SDCCAG8: variants seen among roughly 807,000 people sequenced by gnomAD.
SDCCAG8 encodes the protein serologically defined colon cancer antigen 8.
In SDCCAG8, 74 loss-of-function variants were observed where a neutral mutation model predicts 101.8. That is an observed-to-expected ratio of 0.73 (90% confidence interval 0.60 to 0.88). The LOEUF (loss-of-function observed/expected upper bound fraction) is 0.88. Among genes scored for constraint, SDCCAG8 ranks in the 40% least tolerant of loss-of-function variants. The pLI, the probability that SDCCAG8 is intolerant of heterozygous loss-of-function variation, is 0.00. For missense variants in SDCCAG8, 787 were observed against 822.6 expected (o/e 0.96, Z 0.53); for synonymous variants, 281 against 292.9 (o/e 0.96, Z 0.41).
intron 16 of SDCCAG8, among the ~76,000 whole-genome samples, chr1:243,472,028 G>A (rs1322632033): frequency 1.3e-5 from 2 of 152,226 alleles, no homozygotes; most frequent in African/African-American, 4.8e-5. Flanking sequence ...GAAGCAGTGA[G>A]ACCTCACAAC....
At chr1:243,482,574 C>A (rs1663959662) in intron 16 of SDCCAG8, among the ~76,000 whole-genome samples, 1 of 152,212 alleles carries the variant, frequency 6.6e-6, no homozygotes, top group Non-Finnish European at 1.5e-5. Flanking sequence ...ATCTGCAGAT[C>A]CTGAAGGACA....
At chr1:243,407,976 T>G (rs2079899913) in intron 13 of SDCCAG8, among the ~76,000 whole-genome samples, 1 of 152,210 alleles carries the variant, frequency 6.6e-6, no homozygotes, top group Admixed American at 6.5e-5. Context: ...TAAATAAGCA[T>G]AGAATTTTGG....
intron 13 of SDCCAG8, among the ~76,000 whole-genome samples, chr1:243,401,937 A>G (rs1265586863): frequency 6.6e-6 from 1 of 152,152 alleles, no homozygotes; most frequent in Non-Finnish European, 1.5e-5. Context: ...TGATATCTTC[A>G]TGAGGCACTT....
intron 1 of SDCCAG8, among the ~76,000 whole-genome samples, chr1:243,257,679 TAACA>T (rs1365782419): frequency 6.6e-6 from 1 of 152,218 alleles, no homozygotes; most frequent in African/African-American, 2.4e-5. Context: ...TCAATTGTGT[TAACA>T]AACTGTCGAC....
chr1:243,308,239 G>A, intron 8 of SDCCAG8, 62 bp downstream of exon 8: 3 of 1,514,834 alleles, frequency 2.0e-6, no homozygotes, highest in Non-Finnish European at 2.7e-6. Context: ...CTTTAAAGGG[G>A]CATTGTGTTC....
intron 15 of SDCCAG8, among the ~76,000 whole-genome samples, chr1:243,419,643 T>C (rs890008020): frequency 3.9e-5 from 6 of 152,174 alleles, no homozygotes; most frequent in Non-Finnish European, 8.8e-5. Context: ...CCAAAACTGT[T>C]TAAATAACTG....
Position 243,376,376 on chromosome 1 carries a change from C to G in SDCCAG8, c.1474-2345C>G, listed in dbSNP as rs569149585. Among the ~76,000 whole-genome samples the G allele has an allele frequency of 3.9e-5, 6 of 152,252 alleles. No individual in the cohort carries two copies. In the East Asian group the frequency reaches 1.2e-3, roughly 29 times the overall value. ...CTTGTCCAAGGTCACAGAAAAGTGC[C>G]AGAGCTGTGTCTGGAGCCCTGATTT... On this transcript the variant is annotated intron_variant, in intron 12 of 17. Transcript: ENST00000366541.
intron 11 of SDCCAG8, among the ~76,000 whole-genome samples, chr1:243,341,399 C>T (rs1035460547): frequency 5.9e-5 from 9 of 152,158 alleles, no homozygotes; most frequent in South Asian, 2.1e-4. Flanking sequence ...AATTAGACAC[C>T]AGTCATGGCC....
At chr1:243,476,385 C>T (rs1662417429) in intron 16 of SDCCAG8, 1 of 983,930 alleles carries the variant, frequency 1.0e-6, no homozygotes, top group African/African-American at 1.7e-5. Context: ...GTGATTGAAT[C>T]TGGTTACTTA....
At chr1:243,479,290 G>A (rs1663027630) in intron 16 of SDCCAG8, among the ~76,000 whole-genome samples, 1 of 152,196 alleles carries the variant, frequency 6.6e-6, no homozygotes, top group Non-Finnish European at 1.5e-5. Context: ...TAGGATTGTA[G>A]AAATATGGAG....
chr1:243,448,675 G>A (rs147077588), intron 16 of SDCCAG8, among the ~76,000 whole-genome samples: 61 of 152,256 alleles, frequency 4.0e-4, no homozygotes, highest in South Asian at 8.3e-4. Flanking sequence ...TCAGCACTTC[G>A]TTCAGACAGC....
In SDCCAG8 at chr1:243,284,034, G is replaced by T. The variant is rs1180929148; in HGVS notation, c.421-2238G>T. 2.6e-5 allele frequency among the ~76,000 whole-genome samples: 4 copies of T among 152,132 alleles called. No homozygotes were observed. The East Asian group carries it at 7.7e-4, about 29-fold the overall frequency. On this transcript the variant is annotated intron_variant, in intron 4 of 17. Coordinates refer to ENST00000366541, the MANE Select transcript of SDCCAG8 (RefSeq NM_006642.5). ...GCTGGGATTACAGGTGTGAGCCACC[G>T]TGCCTGGCCTTAATCATAATTATTT...
At chr1:243,346,031 T>C in intron 12 of SDCCAG8, 1 of 153,026 alleles carries the variant, frequency 6.5e-6, no homozygotes. Flanking sequence ...TGTGATGTGT[T>C]GTGAAGTGAT....
At chr1:243,364,277 C>A (rs2076875487) in intron 12 of SDCCAG8, among the ~76,000 whole-genome samples, 1 of 152,048 alleles carries the variant, frequency 6.6e-6, no homozygotes, top group Admixed American at 6.6e-5. Flanking sequence ...TTTGTGTCAC[C>A]AACAAGCAGA....
intron 16 of SDCCAG8, among the ~76,000 whole-genome samples, chr1:243,454,860 A>G (rs2083622896): frequency 6.6e-6 from 1 of 152,136 alleles, no homozygotes; most frequent in Non-Finnish European, 1.5e-5. Flanking sequence ...TGTCTGGGGT[A>G]ACCAGAGAAA....
At chr1:243,348,746 G>A (rs2075896211) in intron 12 of SDCCAG8, among the ~76,000 whole-genome samples, 1 of 151,578 alleles carries the variant, frequency 6.6e-6, no homozygotes, top group Admixed American at 6.6e-5. Context: ...GGCCGAGGTG[G>A]CGGATCACCT....
At chr1:243,465,389 A>G (rs1659922503) in intron 16 of SDCCAG8, among the ~76,000 whole-genome samples, 2 of 152,268 alleles carry the variant, frequency 1.3e-5, no homozygotes, top group African/African-American at 4.8e-5. Context: ...AGGAACAGCA[A>G]CAGGCCAATG....
chr1:243,497,517 T>C (rs1002120815), intron 17 of SDCCAG8, among the ~76,000 whole-genome samples: 5 of 152,088 alleles, frequency 3.3e-5, no homozygotes, highest in African/African-American at 9.7e-5. Context: ...CGTACATCTG[T>C]GTCACCCCCA....
chr1:243,334,157 T>C (rs1239935716), intron 10 of SDCCAG8, among the ~76,000 whole-genome samples: 1 of 152,154 alleles, frequency 6.6e-6, no homozygotes, highest in African/African-American at 2.4e-5. Flanking sequence ...TACATTGCCT[T>C]GTCTCTCTAT....
Sources: gnomAD v4.1 joint callset for allele counts (sites outside exome capture counted in the v4.1 genomes callset) on GRCh38, gnomAD v4.1.1 for gene constraint, MANE v1.5 for transcripts, NCBI Gene and HGNC (gene_info 2026-07-23, HGNC 2026-07-21) for gene names.